Variants in OPHN1 observed in about 807,000 individuals in gnomAD.
OPHN1 encodes the protein oligophrenin 1.
In OPHN1, 11 loss-of-function variants were observed where a neutral mutation model predicts 60.7. That is an observed-to-expected ratio of 0.18 (90% CI 0.11 to 0.30). OPHN1 has a LOEUF of 0.30. OPHN1 is among the 10% of genes least tolerant of loss of function. The pLI is 1.00. For missense variants in OPHN1, 449 were observed against 611.0 expected, an observed-to-expected ratio of 0.73 and a Z score of 2.80; for synonymous variants, 226 against 222.6, an observed-to-expected ratio of 1.02 and a Z score of -0.14.
chrX:68,383,919 T>A (rs2078611167), intron 2 of OPHN1, among the ~76,000 whole-genome samples: 1 of 111,301 alleles, frequency 9.0e-6, no homozygotes, highest in African/African-American at 3.3e-5. Flanking sequence ...GAGTTTGGAA[T>A]TGTTTCCCTA....
chrX:68,389,609 AAAT>A (rs1417216773), intron 2 of OPHN1, among the ~76,000 whole-genome samples: 2 of 104,796 alleles, frequency 1.9e-5, no homozygotes, highest in Non-Finnish European at 3.9e-5. Context: ...ATAAATAAAT[AAAT>A]AAAATGTGTA....
intron 15 of OPHN1, among the ~76,000 whole-genome samples, chrX:68,128,168 G>C (rs2077179393): frequency 9.2e-6 from 1 of 109,007 alleles, no homozygotes; most frequent in South Asian, 4.1e-4. Flanking sequence ...TCCCTCCTCT[G>C]CCTCCCGAGT....
intron 19 of OPHN1, among the ~76,000 whole-genome samples, chrX:68,080,024 T>C (rs1341766501): frequency 8.9e-6 from 1 of 111,926 alleles, no homozygotes; most frequent in Non-Finnish European, 1.9e-5. Flanking sequence ...CTCCAGCCAC[T>C]CCTGTCTTTA....
At chrX:68,098,891 G>A (rs991474576) in intron 18 of OPHN1, among the ~76,000 whole-genome samples, 5 of 111,183 alleles carry the variant, frequency 4.5e-5, no homozygotes, top group Admixed American at 9.6e-5. Flanking sequence ...TAGCTTTGAA[G>A]CCTAGGTTTA....
intron 10 of OPHN1, 118 bp downstream of exon 10, chrX:68,206,455 G>A: frequency 2.6e-5 from 15 of 576,628 alleles, no homozygotes; most frequent in Non-Finnish European, 4.4e-5. Flanking sequence ...TACATATAAA[G>A]TCATGGCCTC....
chrX:68,159,118 C>A (rs766947485), intron 15 of OPHN1, among the ~76,000 whole-genome samples: 1 of 111,803 alleles, frequency 8.9e-6, no homozygotes, highest in South Asian at 3.7e-4. Flanking sequence ...TATTAAAAAA[C>A]AGGTCCAAGG....
At chrX:68,120,472 C>A (rs2077146182) in intron 15 of OPHN1, among the ~76,000 whole-genome samples, 2 of 111,628 alleles carry the variant, frequency 1.8e-5, no homozygotes, top group African/African-American at 6.5e-5. Context: ...AACTATAAAA[C>A]ACTGATAAAA....
intron 19 of OPHN1, among the ~76,000 whole-genome samples, chrX:68,088,158 G>A (rs944640843): frequency 1.2e-4 from 13 of 111,555 alleles, no homozygotes; most frequent in Admixed American, 3.8e-4. Context: ...GCTAGTAGGT[G>A]GTAGAACTGA....
At chrX:68,126,124 C>T (rs1409044770) in intron 15 of OPHN1, among the ~76,000 whole-genome samples, 1 of 106,773 alleles carries the variant, frequency 9.4e-6, no homozygotes, top group Non-Finnish European at 1.9e-5. Context: ...ACCAATAAAA[C>T]GAAGGACAAA....
intron 2 of OPHN1, among the ~76,000 whole-genome samples, chrX:68,411,373 C>T (rs1315548248): frequency 8.9e-6 from 1 of 112,207 alleles, no homozygotes; most frequent in Non-Finnish European, 1.9e-5. Context: ...AACTGCTTTC[C>T]GAAGTGGCTG....
At chrX:68,092,504 C>T (rs2077022478) in intron 19 of OPHN1, among the ~76,000 whole-genome samples, 1 of 111,973 alleles carries the variant, frequency 8.9e-6, no homozygotes. Flanking sequence ...TCCTTGGTTA[C>T]CATGTCTTTG....
At position 68,046,359 on chromosome X, in the gene OPHN1, T is replaced by C. The variant is rs948182987; in HGVS notation, c.*813A>G. 1.8e-5 allele frequency: 2 copies of C among 112,724 alleles called. No homozygotes were observed. The highest frequency in any genetic ancestry group is 3.8e-5 in the Non-Finnish European group (2 of 53,332). The allele number at this position is 112,724 out of a possible 1,213,427, so 9.3% of individuals were successfully genotyped here. ...TCCTACAGGACCAAACACAGTCTCC[T>C]TTTTTTAAAAAGAAATGTGTTCAGC... On this transcript the variant is annotated 3_prime_UTR_variant, in exon 25 of 25. Coordinates refer to ENST00000355520, the MANE Select transcript of OPHN1 (RefSeq NM_002547.3).
At chrX:68,135,235 T>G (rs959188684) in intron 15 of OPHN1, among the ~76,000 whole-genome samples, 11 of 112,047 alleles carry the variant, frequency 9.8e-5, no homozygotes, top group African/African-American at 3.6e-4. Context: ...ACTGCAACAT[T>G]ATTCTTTGCA....
At chrX:68,176,414 G>A (rs749141373) in intron 15 of OPHN1, among the ~76,000 whole-genome samples, 1 of 111,556 alleles carries the variant, frequency 9.0e-6, no homozygotes, top group South Asian at 3.8e-4. Context: ...AATAGCCCGT[G>A]AGCACATGAA....
intron 2 of OPHN1, among the ~76,000 whole-genome samples, chrX:68,327,797 TAAA>T (rs35324033): frequency 1.0e-4 from 7 of 67,384 alleles, no homozygotes; most frequent in Admixed American, 3.4e-4. Flanking sequence ...ATAAAAAAAA[TAAA>T]AAAAAAAAAA....
At chrX:68,239,463 C>T in intron 5 of OPHN1, among the ~76,000 whole-genome samples, 1 of 111,645 alleles carries the variant, frequency 9.0e-6, no homozygotes, top group East Asian at 2.8e-4. Context: ...CTGTCCTCAC[C>T]TAGGTCCGTG....
chrX:68,344,001 T>G (rs1051508240), intron 2 of OPHN1, among the ~76,000 whole-genome samples: 22 of 112,024 alleles, frequency 2.0e-4, no homozygotes, highest in Non-Finnish European at 3.8e-5. Flanking sequence ...TAATACATCC[T>G]AGGTGATTCA....
chrX:68,168,911 G>T (rs1055448726), intron 15 of OPHN1, among the ~76,000 whole-genome samples: 23 of 111,399 alleles, frequency 2.1e-4, no homozygotes, highest in African/African-American at 7.5e-4. Context: ...TAGAAGAAAT[G>T]GATAAATTCC....
At chrX:68,296,344 T>C (rs1759509738) in intron 3 of OPHN1, among the ~76,000 whole-genome samples, 1 of 110,985 alleles carries the variant, frequency 9.0e-6, no homozygotes, top group Non-Finnish European at 1.9e-5. Flanking sequence ...AGTTAAAGAG[T>C]TATTATAAAT....
Sources: allele counts gnomAD v4.1 joint callset (sites outside exome capture counted in the v4.1 genomes callset), GRCh38; gene constraint gnomAD v4.1.1; transcripts MANE v1.5; gene names NCBI Gene and HGNC (gene_info 2026-07-23, HGNC 2026-07-21).